H6PD: variants seen among roughly 807,000 people sequenced by gnomAD.
H6PD encodes hexose-6-phosphate dehydrogenase/glucose 1-dehydrogenase.
H6PD carries 48 observed loss-of-function variants against 61.2 expected under a neutral mutation model. The observed-to-expected ratio is 0.78, with a 90% CI of 0.62 to 1.00. The LOEUF is 1.00. H6PD is among the 50% of genes least tolerant of loss of function. H6PD has a pLI of 0.00. For missense variants in H6PD, 1,093 were observed against 1,065.0 expected (o/e 1.03, Z -0.37); for synonymous variants, 480 against 457.9 (o/e 1.05, Z -0.62).
At chr1:9,242,822 C>T (rs1323243993) in intron 1 of H6PD, 1 of 985,500 alleles carries the variant, frequency 1.0e-6, no homozygotes, top group Non-Finnish European at 1.2e-6. Context: ...GTTCTCTGGG[C>T]TTCAGATTTC....
At position 9,264,506 on chromosome 1, in the gene H6PD, G is replaced by C; in HGVS notation, c.2013G>C (p.Gln671His). The C allele has an allele frequency of 1.2e-6, 2 of 1,613,274 alleles. No individual in the cohort carries two copies. The part of the protein sequence containing the change: ...RLCAEEDQGA[Q>H]IYAREISALV... ...GCGCCGAGGAGGACCAGGGCGCCCA[G>C]ATCTATGCCAGGGAGATCTCAGCCC... Residue 671 changes from glutamine to histidine, a missense_variant, in exon 5 of 5, where the codon CAG becomes CAC. Gln to His is a conservative substitution (Grantham distance 24). Transcript: ENST00000377403.
intron 3 of H6PD, among the ~76,000 whole-genome samples, chr1:9,247,954 C>T (rs1178036464): frequency 6.6e-6 from 1 of 152,238 alleles, no homozygotes; most frequent in Admixed American, 6.5e-5. Flanking sequence ...AGTCCCCAGC[C>T]GCCAGGTGAG....
In H6PD at chr1:9,268,370, C is replaced by G. The variant is rs543308767; in HGVS notation, c.*3501C>G. 3.3e-5 allele frequency: 5 copies of G among 152,384 alleles called. No homozygotes were observed. The South Asian group carries it at 8.3e-4, about 25-fold the overall frequency. The allele number at this position is 152,384 out of a possible 1,614,324, so 9.4% of individuals were successfully genotyped here. A position where few individuals can be genotyped will look rare whatever the true frequency, so the allele number is the denominator to read the frequency against. ...TTTGCCTCTTCCTGGTCTGGAAGCC[C>G]TTGGGTCCTATGGTGGCGGCAGCTC... is the stretch of plus-strand genomic sequence containing the variant. On this transcript the variant is annotated 3_prime_UTR_variant, in exon 5 of 5. Transcript: ENST00000377403.
At chr1:9,255,162 A>C (rs1419439073) in intron 3 of H6PD, among the ~76,000 whole-genome samples, 1 of 152,226 alleles carries the variant, frequency 6.6e-6, no homozygotes, top group African/African-American at 2.4e-5. Context: ...TTCATGTACA[A>C]GCTTTTGTGT....
At chr1:9,239,986 A>T (rs1228162120) in intron 1 of H6PD, 2 of 1,231,504 alleles carry the variant, frequency 1.6e-6, no homozygotes, top group Non-Finnish European at 2.0e-6. Flanking sequence ...CCTGGCCCCC[A>T]CCTTCTGGGA....
rs1201870773 is a variant in H6PD, at chr1:9,265,213, G to A, written c.*344G>A. Reference sequence around the variant, plus strand: ...CGCCCAAACTCCGGCGTTCACAAGAGGAGACGTGACGTGGTGGGCTGAGGT... The same window carrying A: ...CGCCCAAACTCCGGCGTTCACAAGAAGAGACGTGACGTGGTGGGCTGAGGT... On this transcript the variant is annotated 3_prime_UTR_variant, in exon 5 of 5. Coordinates refer to ENST00000377403, the MANE Select transcript of H6PD (RefSeq NM_004285.4). The A allele has an allele frequency of 1.9e-5, 8 of 410,432 alleles. No homozygotes were observed. In the East Asian group the frequency reaches 3.8e-4, roughly 19 times the overall value. 25.4% of individuals were successfully genotyped at this position (410,432 alleles called of 1,614,324 possible). A position where few individuals can be genotyped will look rare whatever the true frequency, so the allele number is the denominator to read the frequency against.
chr1:9,237,405 G>A (rs1207630172), intron 1 of H6PD, among the ~76,000 whole-genome samples: 1 of 151,828 alleles, frequency 6.6e-6, no homozygotes, highest in Non-Finnish European at 1.5e-5. Flanking sequence ...GCTAATTTTT[G>A]TATTGTTAGT....
At chr1:9,258,651 C>G (rs1231067534) in intron 3 of H6PD, among the ~76,000 whole-genome samples, 2 of 145,174 alleles carry the variant, frequency 1.4e-5, no homozygotes, top group Non-Finnish European at 2.9e-5. Flanking sequence ...CAGTGTTATG[C>G]CGGTGTTGTT....
At position 9,266,286 on chromosome 1, in the gene H6PD, CTGCT is replaced by C. The variant is rs1224993265; in HGVS notation, c.*1418_*1421del. 1 of 152,304 alleles carries C rather than the reference CTGCT, an allele frequency of 6.6e-6. No individual in the cohort carries two copies. The highest frequency in any genetic ancestry group is 1.5e-5 in the Non-Finnish European group (1 of 68,102). 9.4% of individuals were successfully genotyped at this position (152,304 alleles called of 1,614,324 possible). On this transcript the variant is annotated 3_prime_UTR_variant, in exon 5 of 5. Coordinates refer to ENST00000377403, the MANE Select transcript of H6PD (RefSeq NM_004285.4). ...CCTTGGTGACCCCGTGGCTTCCTGT[CTGCT>C]GGCCTCTCCTGCTACTTATCACTTC...
In H6PD at chr1:9,245,535, C is replaced by T. The variant is rs771839732; in HGVS notation, c.601C>T (p.Arg201Trp). ...GTFFQEEEMY[R>W]VDHYLGKQAV... ...CTTTTTCCAGGAGGAGGAGATGTAC[C>T]GGGTGGACCATTACTTAGGCAAGCA... Residue 201 changes from arginine (R) to tryptophan (W), a missense_variant, in exon 2 of 5, where the codon CGG (arginine) becomes TGG (tryptophan). Arg to Trp is a moderately radical substitution (Grantham distance 101). Transcript: ENST00000377403. The surrounding 1 kb of genome is among the most constrained non-coding windows in gnomAD (Gnocchi z 4.8). 2.4e-5 allele frequency: 39 copies of T among 1,614,012 alleles called. No homozygotes were observed. The highest frequency in any genetic ancestry group is 2.8e-5 in the Non-Finnish European group (33 of 1,180,016).
rs139332011 is a variant in H6PD at position 9,263,726 on chromosome 1, C to T, written c.1233C>T (p.Ala411=). ...HIGHGDLGSP[A]VLVSRNLFRP... ...GCCATGGCGACCTGGGCAGCCCTGC[C>T]GTGCTGGTCAGCAGGAACCTGTTCA... The change falls in exon 5 of 5, where the codon GCC becomes GCT. Residue 411 remains alanine, a synonymous_variant. Coordinates refer to ENST00000377403, the MANE Select transcript of H6PD (RefSeq NM_004285.4). The T allele has an allele frequency of 3.3e-5, 54 of 1,613,894 alleles. No individual in the cohort carries two copies. The African/African-American group carries it at 5.5e-4, about 16-fold the overall frequency.
At chr1:9,235,890 G>A (rs1327787014) in intron 1 of H6PD, among the ~76,000 whole-genome samples, 1 of 152,230 alleles carries the variant, frequency 6.6e-6, no homozygotes, top group Non-Finnish European at 1.5e-5. Flanking sequence ...GGGATTACAG[G>A]TGTGAAGCAC....
At position 9,236,147 on chromosome 1, in the gene H6PD, C is replaced by G. The variant is rs533299656; in HGVS notation, c.-11+1081C>G. Among the ~76,000 whole-genome samples the G allele has an allele frequency of 2.3e-4, 35 of 152,248 alleles. 1 individual carries two copies. The South Asian group carries it at 4.3e-3, about 19-fold the overall frequency. On this transcript the variant is annotated intron_variant, in intron 1 of 4. Coordinates refer to ENST00000377403, the MANE Select transcript of H6PD (RefSeq NM_004285.4). The stretch of plus-strand genomic sequence containing the variant: ...GGGATTACAGGCGCGTGCCACCACA[C>G]CCGGCTAATTTTATGTATTTTTTAG...
At position 9,262,209 on chromosome 1, in the gene H6PD, C is replaced by T. The variant is rs138786229; in HGVS notation, c.896C>T (p.Ala299Val). 1.3e-4 allele frequency: 210 copies of T among 1,613,990 alleles called. No homozygotes were observed. The highest frequency in any genetic ancestry group is 4.0e-4 in the South Asian group (36 of 91,080). The change falls in exon 4 of 5, where the codon GCG becomes GTG. Residue 299 changes from alanine to valine, a missense_variant. Physicochemically the swap from Ala to Val is moderately conservative, Grantham distance 64 (BLOSUM62 0). Transcript: ENST00000377403. ...CGGCACAAGCTTCAGGTCTTCCAGG[C>T]GCTGCGGGGCCTGCAGAGGGGCAGT... ...VLRHKLQVFQ[A>V]LRGLQRGSAV...
At chr1:9,251,010 C>A (rs747648366) in intron 3 of H6PD, among the ~76,000 whole-genome samples, 1 of 152,194 alleles carries the variant, frequency 6.6e-6, no homozygotes, top group Non-Finnish European at 1.5e-5. Context: ...TTCCCAGCTC[C>A]CTCTCAGCCT....
At position 9,263,839 on chromosome 1, in the gene H6PD, A is replaced by G; in HGVS notation, c.1346A>G (p.Tyr449Cys). 6.2e-7 allele frequency: 1 copy of G among 1,613,906 alleles called. No individual in the cohort carries two copies. The highest frequency in any genetic ancestry group is 2.2e-5 in the East Asian group (1 of 44,852). ...AGCCCTCTGTCCGATTACTACGCCT[A>G]CAGCCCTGTGCGGGAGCGGGACGCC... ...FGSPLSDYYAYSPVRERDAHS... is the reference protein window; with the variant it reads ...FGSPLSDYYACSPVRERDAHS... The change falls in exon 5 of 5, where the codon TAC (tyrosine) becomes TGC (cysteine). Residue 449 changes from tyrosine (Y) to cysteine (C), a missense_variant. Coordinates refer to ENST00000377403, the MANE Select transcript of H6PD (RefSeq NM_004285.4).
chr1:9,247,227 G>T lies in H6PD; in HGVS notation c.745+144G>T, dbSNP rs1641208902. ...CTGCCGTGTGCCTAGCTCTGAACCG[G>T]GCTAAACCCCAGGGTGCCGGCTGCA... On this transcript the variant is annotated intron_variant, in intron 3 of 4. Transcript: ENST00000377403. 9 of 663,684 alleles carry T rather than the reference G, an allele frequency of 1.4e-5. No homozygotes were observed. The South Asian group carries it at 1.4e-4, about 10-fold the overall frequency. The allele number at this position is 663,684 out of a possible 1,614,324, so 41.1% of individuals were successfully genotyped here.
rs114254321 is a variant in H6PD at position 9,245,823 on chromosome 1, C to T, written c.627+262C>T. On this transcript the variant is annotated intron_variant, in intron 2 of 4. Transcript: ENST00000377403. The surrounding 1 kb of genome is among the most constrained non-coding windows in gnomAD (Gnocchi z 4.8). ...TTCTCGTTGTTTCCCAGTCTGGGCT[C>T]TGGCTTCTCACGGTTGCCCTGCATC... Among the ~76,000 whole-genome samples, 264 of 152,314 alleles carry T rather than the reference C, an allele frequency of 1.7e-3. 2 individuals are homozygous for T. Among genetic ancestry groups the T allele is most frequent in the African/African-American group, 6.0e-3 (249 of 41,572 alleles).
chr1:9,252,073 C>T (rs796303015), intron 3 of H6PD, among the ~76,000 whole-genome samples: 59 of 152,150 alleles, frequency 3.9e-4, no homozygotes, highest in African/African-American at 1.3e-3. Flanking sequence ...CACGGAAATA[C>T]GTTACAAATG....
Sources: gnomAD v4.1 joint callset for allele counts (sites outside exome capture counted in the v4.1 genomes callset) on GRCh38, gnomAD v4.1.1 for gene constraint, Gnocchi (gnomAD v3.1) non-coding constraint, MANE v1.5 for transcripts, NCBI Gene and HGNC (gene_info 2026-07-23, HGNC 2026-07-21) for gene names.